Variants in TCF20 observed in about 807,000 individuals in gnomAD.
TCF20 encodes transcription factor 20, also known as SPRE-binding protein.
TCF20 carries 3 observed loss-of-function variants against 148.6 expected under a neutral mutation model. The observed-to-expected ratio is 0.02, with a 90% CI of 0.01 to 0.05. The LOEUF is 0.05. TCF20 is among the 10% of genes least tolerant of loss of function. TCF20 has a pLI of 1.00. For synonymous variants in TCF20, 1,049 were observed against 909.5 expected (o/e 1.15, Z -2.76); for missense variants, 2,350 against 2,429.3 (o/e 0.97, Z 0.69).
chr22:42,182,493 C>T (rs1304193398), intron 2 of TCF20, among the ~76,000 whole-genome samples: 2 of 152,206 alleles, frequency 1.3e-5, no homozygotes, highest in Admixed American at 6.5e-5. Context: ...AAAGAGAAGA[C>T]GTGGAGCTTA....
At chr22:42,294,267 C>A (rs1048799049) in intron 1 of TCF20, among the ~76,000 whole-genome samples, 4 of 152,224 alleles carry the variant, frequency 2.6e-5, no homozygotes, top group Non-Finnish European at 5.9e-5. Flanking sequence ...CTGGCAGGCA[C>A]CTGCCAATCT....
chr22:42,272,188 T>C (rs1926647364), upstream of TCF20, among the ~76,000 whole-genome samples: 1 of 152,246 alleles, frequency 6.6e-6, no homozygotes, highest in African/African-American at 2.4e-5. Context: ...CTCTGATTAT[T>C]CCCATTGTTC....
At chr22:42,294,744 A>G (rs951787552) in intron 1 of TCF20, among the ~76,000 whole-genome samples, 3 of 152,234 alleles carry the variant, frequency 2.0e-5, no homozygotes, top group African/African-American at 7.2e-5. Flanking sequence ...GATGAGGACA[A>G]TGAGGCTCAG....
At chr22:42,293,724 G>A (rs1204593209) in intron 1 of TCF20, among the ~76,000 whole-genome samples, 2 of 152,244 alleles carry the variant, frequency 1.3e-5, no homozygotes, top group Non-Finnish European at 2.9e-5. Context: ...CCCTCAGGCT[G>A]GGCGCGGTGG....
intron 1 of TCF20, among the ~76,000 whole-genome samples, chr22:42,311,701 C>G (rs750874499): frequency 2.6e-5 from 4 of 152,160 alleles, no homozygotes; most frequent in Non-Finnish European, 5.9e-5. Flanking sequence ...GGGATGAAAA[C>G]ATCCCAAGCC....
At position 42,290,470 on chromosome 22, in the gene TCF20, C is replaced by G. The variant is rs1032261085; in HGVS notation, c.-37+53009G>C. ...AGGCTGGGTCAGCTGTGGGTGTGAC[C>G]AGGCCATGGAGCGGGCAGGCTGGGG... On this transcript the variant is annotated intron_variant, in intron 1 of 1. Coordinates refer to the TCF20 transcript ENST00000515426. This position sits in a 1 kb window ranked among gnomAD's most constrained non-coding sequence, Gnocchi z 4.2. Among the ~76,000 whole-genome samples, 6 of 152,148 alleles carry G rather than the reference C, an allele frequency of 3.9e-5. No homozygotes were observed. The highest frequency in any genetic ancestry group is 2.1e-4 in the South Asian group (1 of 4,828).
chr22:42,247,658 C>T (rs941482963), intron 1 of TCF20, among the ~76,000 whole-genome samples: 10 of 152,006 alleles, frequency 6.6e-5, no homozygotes, highest in Non-Finnish European at 1.5e-4. Flanking sequence ...GAAAAGGATA[C>T]GACAAGAGCT....
intron 2 of TCF20, among the ~76,000 whole-genome samples, chr22:42,205,719 C>T (rs1196710032): frequency 6.6e-6 from 1 of 152,146 alleles, no homozygotes; most frequent in Non-Finnish European, 1.5e-5. Flanking sequence ...AAGCTAGAAA[C>T]GGATCTTATA....
intron 1 of TCF20, among the ~76,000 whole-genome samples, chr22:42,275,735 G>T (rs980331981): frequency 1.3e-5 from 2 of 152,198 alleles, no homozygotes; most frequent in Admixed American, 6.5e-5. Context: ...CACACAGCTA[G>T]GAAGAGGCTG....
intron 1 of TCF20, among the ~76,000 whole-genome samples, chr22:42,282,881 A>G (rs1197381845): frequency 7.4e-6 from 1 of 135,112 alleles, no homozygotes; most frequent in East Asian, 2.2e-4. Flanking sequence ...AGATAGAAAA[A>G]AAGGGAGGGC....
chr22:42,212,129 C>T lies in TCF20; in HGVS notation c.3177G>A (p.Leu1059=). ...GAGTATTTGCATGATAAGCAGAGGC[C>T]AGGGTTTCTGAGTTGGGAGAAAAGG... ...HTPFSPNSET[L]ASAYHANTRA... Residue 1059 remains leucine (L), a synonymous_variant, in exon 2 of 6, where the codon CTG becomes CTA. Transcript: ENST00000677622. 6.2e-7 allele frequency: 1 copy of T among 1,614,152 alleles called. No individual in the cohort carries two copies. The highest frequency in any genetic ancestry group is 8.5e-7 in the Non-Finnish European group (1 of 1,180,040).
At chr22:42,176,897 C>A (rs1380025141) in intron 3 of TCF20, among the ~76,000 whole-genome samples, 1 of 152,186 alleles carries the variant, frequency 6.6e-6, no homozygotes, top group African/African-American at 2.4e-5. Flanking sequence ...TACAAAATTA[C>A]ATCTAGATGG....
At chr22:42,203,550 T>C (rs953762350) in intron 2 of TCF20, among the ~76,000 whole-genome samples, 5 of 152,224 alleles carry the variant, frequency 3.3e-5, no homozygotes, top group South Asian at 2.1e-4. Flanking sequence ...AAATGAACCT[T>C]TTCTCTGGAA....
At chr22:42,271,235 C>T (rs1048129588), upstream of TCF20, among the ~76,000 whole-genome samples, 1 of 152,268 alleles carries the variant, frequency 6.6e-6, no homozygotes, top group African/African-American at 2.4e-5. Flanking sequence ...GGAGGAACGA[C>T]TTGGGTCCTC....
intron 1 of TCF20, among the ~76,000 whole-genome samples, chr22:42,243,310 A>AAAAAAAAAAAAAAAAAACAAAAC (rs1569180401): frequency 9.9e-5 from 14 of 140,952 alleles, no homozygotes; most frequent in African/African-American, 4.2e-4. Context: ...AAAAAAAAAA[A>AAAAAAAAAAAAAAAAAACAAAAC]AAAAAAAAAA....
At chr22:42,172,696 G>GC (rs1936201309) in intron 3 of TCF20, among the ~76,000 whole-genome samples, 1 of 152,226 alleles carries the variant, frequency 6.6e-6, no homozygotes, top group African/African-American at 2.4e-5. Context: ...GGCTGAGGAT[G>GC]GTGGGCTCAA....
At chr22:42,236,362 G>C (rs1303261499) in intron 1 of TCF20, among the ~76,000 whole-genome samples, 1 of 152,022 alleles carries the variant, frequency 6.6e-6, no homozygotes, top group Non-Finnish European at 1.5e-5. Flanking sequence ...CCACACCCTG[G>C]GATCTACAGT....
intron 1 of TCF20, among the ~76,000 whole-genome samples, chr22:42,300,280 AGCTACTCCT>A (rs1927313456): frequency 1.3e-5 from 2 of 152,084 alleles, no homozygotes; most frequent in African/African-American, 4.8e-5. Context: ...AAGACCACCC[AGCTACTCCT>A]GCCGGTGAGA....
chr22:42,209,835 G>C lies in TCF20; in HGVS notation c.5471C>G (p.Ser1824Trp), dbSNP rs372854309. ...EGSSEKTVLD[S>W]KPSVPTTSEG... ...TGAAGTGGTGGGCACGGAGGGCTTC[G>C]AGTCCAAAACAGTCTTTTCACTGCT... The change falls in exon 2 of 6, where the codon TCG (serine) becomes TGG (tryptophan). Residue 1824 changes from serine to tryptophan, a missense_variant. Ser to Trp is a radical substitution (Grantham distance 177). This residue lies in a region of TCF20 where 374 missense variants were observed against 398.3 expected (regional missense o/e 0.94). Coordinates refer to ENST00000677622, the MANE Select transcript of TCF20 (RefSeq NM_001378418.1). The C allele has an allele frequency of 6.2e-7, 1 of 1,614,164 alleles. No individual in the cohort carries two copies. The highest frequency in any genetic ancestry group is 1.1e-5 in the South Asian group (1 of 91,078).
Sources: gnomAD v4.1 joint callset for allele counts (sites outside exome capture counted in the v4.1 genomes callset) on GRCh38, gnomAD v4.1.1 for gene constraint, gnomAD v4.1.1 regional missense constraint, Gnocchi (gnomAD v3.1) non-coding constraint, MANE v1.5 for transcripts, NCBI Gene and HGNC (gene_info 2026-07-23, HGNC 2026-07-21) for gene names.